Variants in CADPS2 observed in about 807,000 individuals in gnomAD.
The protein encoded by CADPS2 is calcium-dependent secretion activator 2.
In CADPS2, 93 loss-of-function variants were observed where a neutral mutation model predicts 172.5. The observed-to-expected ratio is 0.54, with a 90% CI of 0.46 to 0.64. CADPS2 has a LOEUF of 0.64. Among genes scored for constraint, CADPS2 ranks in the 30% least tolerant of loss-of-function variants. The probability of loss-of-function intolerance (pLI) is 0.00; values close to 1 mark genes in which losing one functional copy is unlikely to be tolerated. For missense variants in CADPS2, 1,420 were observed against 1,565.9 expected (o/e 0.91, Z 1.57); for synonymous variants, 546 against 555.2 (o/e 0.98, Z 0.23).
intron 3 of CADPS2, among the ~76,000 whole-genome samples, chr7:122,654,613 T>C (rs1056639612): frequency 6.6e-6 from 1 of 152,178 alleles, no homozygotes; most frequent in Non-Finnish European, 1.5e-5. Flanking sequence ...AAAATAAAGA[T>C]TCCTTTCAAA....
At position 122,706,630 on chromosome 7, in the gene CADPS2, A is replaced by G. The variant is rs929677105; in HGVS notation, c.453+30325T>C. 6.8e-5 allele frequency among the ~76,000 whole-genome samples: 10 copies of G among 147,180 alleles called. No individual in the cohort carries two copies. In the East Asian group the frequency reaches 9.9e-4, roughly 15 times the overall value. Reference sequence around the variant, plus strand: ...TAAGAGATAGGTTGTGTGTGTGTGTATATATATATAGTTACATGCTCTTAA... The same window carrying G: ...TAAGAGATAGGTTGTGTGTGTGTGTGTATATATATAGTTACATGCTCTTAA... On this transcript the variant is annotated intron_variant, in intron 2 of 29. Coordinates refer to ENST00000449022, the MANE Select transcript of CADPS2 (RefSeq NM_017954.11).
intron 9 of CADPS2, among the ~76,000 whole-genome samples, chr7:122,509,887 A>G (rs2059895616): frequency 6.6e-6 from 1 of 152,176 alleles, no homozygotes; most frequent in Admixed American, 6.6e-5. Flanking sequence ...TTGCTTAATA[A>G]GTATTAGATT....
At chr7:122,811,204 T>A (rs1441726511) in intron 1 of CADPS2, among the ~76,000 whole-genome samples, 1 of 152,212 alleles carries the variant, frequency 6.6e-6, no homozygotes, top group Admixed American at 6.5e-5. Flanking sequence ...ATTCTTCTAG[T>A]AACACCCTGT....
At chr7:122,406,586 G>A (rs547590429) in intron 20 of CADPS2, among the ~76,000 whole-genome samples, 1 of 152,160 alleles carries the variant, frequency 6.6e-6, no homozygotes, top group South Asian at 2.1e-4. Context: ...GAAATGGAGT[G>A]AGGTCTATTC....
chr7:122,496,306 T>A (rs183290932), intron 9 of CADPS2, among the ~76,000 whole-genome samples: 13 of 152,138 alleles, frequency 8.5e-5, no homozygotes, highest in Non-Finnish European at 1.9e-4. Flanking sequence ...GGATCACAGG[T>A]GTGCGCTACC....
intron 9 of CADPS2, among the ~76,000 whole-genome samples, chr7:122,496,494 TATTCATTTTTA>T (rs1421074185): frequency 1.3e-5 from 2 of 152,188 alleles, no homozygotes; most frequent in South Asian, 2.1e-4. Context: ...ATAATTAGCT[TATTCATTTTTA>T]ATTCATTTTT....
intron 1 of CADPS2, among the ~76,000 whole-genome samples, chr7:122,738,826 A>T (rs1180608880): frequency 9.3e-5 from 14 of 150,944 alleles, no homozygotes; most frequent in Admixed American, 4.0e-4. Flanking sequence ...AAAAAAATTA[A>T]AAAGTGTCCT....
intron 11 of CADPS2, among the ~76,000 whole-genome samples, chr7:122,484,355 C>T (rs2057591996): frequency 2.6e-5 from 4 of 152,016 alleles, no homozygotes; most frequent in Admixed American, 2.0e-4. Flanking sequence ...GAAATAAACT[C>T]ATATGTAGTT....
chr7:122,394,057 G>C (rs1317738690), intron 20 of CADPS2, among the ~76,000 whole-genome samples: 2 of 152,046 alleles, frequency 1.3e-5, no homozygotes, highest in Admixed American at 1.3e-4. Flanking sequence ...TCACTAGGAG[G>C]GTGTCTGTGG....
intron 7 of CADPS2, among the ~76,000 whole-genome samples, chr7:122,576,773 A>T (rs112751048): frequency 9.3e-4 from 127 of 135,886 alleles, no homozygotes; most frequent in East Asian, 6.5e-3. Flanking sequence ...AGGAGATCTG[A>T]TTTTTTTTTT....
chr7:122,326,526 G>A (rs1470333806), intron 28 of CADPS2, among the ~76,000 whole-genome samples: 1 of 152,054 alleles, frequency 6.6e-6, no homozygotes, highest in African/African-American at 2.4e-5. Context: ...ATAAAAGTGA[G>A]AAATATCAAT....
rs1823313421 is a variant in CADPS2, at chr7:122,882,875, T to C, written c.339+3124A>G. Reference sequence around the variant, plus strand: ...ACTGACATCACTTTCAATCACTGTTTATTAGTTCATACTCATATCATGTGT... The same window carrying C: ...ACTGACATCACTTTCAATCACTGTTCATTAGTTCATACTCATATCATGTGT... On this transcript the variant is annotated intron_variant, in intron 1 of 29. Coordinates refer to ENST00000449022, the MANE Select transcript of CADPS2 (RefSeq NM_017954.11). Among the ~76,000 whole-genome samples, 2 of 152,104 alleles carry C rather than the reference T, an allele frequency of 1.3e-5. 1 individual carries two copies. Among genetic ancestry groups the C allele is most frequent in the Admixed American group, 1.3e-4 (2 of 15,266 alleles).
chr7:122,519,063 T>C (rs1051399682), intron 8 of CADPS2, among the ~76,000 whole-genome samples: 2 of 151,902 alleles, frequency 1.3e-5, no homozygotes, highest in African/African-American at 4.8e-5. Flanking sequence ...CATTCTCCAG[T>C]ACTCTATTAG....
rs192688119 is a variant in CADPS2, at chr7:122,754,349, T to C, written c.340-17281A>G. Among the ~76,000 whole-genome samples the C allele has an allele frequency of 2.6e-4, 39 of 152,318 alleles. No individual in the cohort carries two copies. In the East Asian group the frequency reaches 6.4e-3, roughly 25 times the overall value. The stretch of plus-strand genomic sequence containing the variant: ...AAGTGTGACTCTTGAAGGAATTTGA[T>C]AAATAAGTTAGAAAAATGTTTGCTT... On this transcript the variant is annotated intron_variant, in intron 1 of 29. Coordinates refer to ENST00000449022, the MANE Select transcript of CADPS2 (RefSeq NM_017954.11).
intron 15 of CADPS2, among the ~76,000 whole-genome samples, chr7:122,446,340 G>A (rs1346047641): frequency 6.6e-6 from 1 of 152,016 alleles, no homozygotes. Context: ...CTTTAAATAT[G>A]CTTGATCTCT....
intron 7 of CADPS2, among the ~76,000 whole-genome samples, chr7:122,567,247 T>G (rs1017553578): frequency 6.6e-6 from 1 of 152,128 alleles, no homozygotes; most frequent in African/African-American, 2.4e-5. Flanking sequence ...AAATTTCAGT[T>G]TCACTGACTT....
At chr7:122,667,515 C>T (rs2081307162) in intron 2 of CADPS2, among the ~76,000 whole-genome samples, 1 of 152,166 alleles carries the variant, frequency 6.6e-6, no homozygotes, top group South Asian at 2.1e-4. Context: ...GTGTCAACAA[C>T]ATTTCAGGGA....
intron 24 of CADPS2, among the ~76,000 whole-genome samples, chr7:122,380,046 G>C (rs2042807919): frequency 6.6e-6 from 1 of 151,932 alleles, no homozygotes; most frequent in Non-Finnish European, 1.5e-5. Context: ...AAGGTATAAT[G>C]AAACATCACT....
intron 8 of CADPS2, among the ~76,000 whole-genome samples, chr7:122,516,274 C>G (rs1263214272): frequency 6.6e-6 from 1 of 152,090 alleles, no homozygotes; most frequent in Non-Finnish European, 1.5e-5. Flanking sequence ...GTGGCTCATG[C>G]CTGTAGTCCC....
Sources: gnomAD v4.1 joint callset for allele counts (sites outside exome capture counted in the v4.1 genomes callset) on GRCh38, gnomAD v4.1.1 for gene constraint, MANE v1.5 for transcripts, NCBI Gene and HGNC (gene_info 2026-07-23, HGNC 2026-07-21) for gene names.